TRPM5: variants seen among roughly 807,000 people sequenced by gnomAD.
TRPM5 encodes the protein MLSN1 and TRP-related.
Under a neutral mutation model 124.9 loss-of-function variants are expected in TRPM5, and 121 were observed. That is an observed-to-expected ratio of 0.97 (90% confidence interval 0.84 to 1.13). The LOEUF is 1.13. Among genes scored for constraint, TRPM5 ranks in the 50% most tolerant of loss-of-function variants. The pLI is 0.00. For missense variants in TRPM5, 1,643 were observed against 1,589.1 expected (o/e 1.03, Z -0.58); for synonymous variants, 781 against 700.5 (o/e 1.11, Z -1.81).
the TRPM5 span, among the ~76,000 whole-genome samples, chr11:2,439,032 C>T: frequency 1.3e-5 from 2 of 152,182 alleles, no homozygotes; most frequent in East Asian, 3.8e-4. Context: ...CACACACCTA[C>T]AGTAATCTGA....
exon 4 of TRPM5, chr11:2,420,390 G>A (rs1303282609): frequency 1.2e-6 from 2 of 1,610,542 alleles, no homozygotes; most frequent in South Asian, 1.1e-5. Context: ...TCAGGGTAGT[G>A]GACAGGAAAA....
chr11:2,426,754 T>A (rs1845843630), upstream of TRPM5, among the ~76,000 whole-genome samples: 1 of 152,134 alleles, frequency 6.6e-6, no homozygotes, highest in Admixed American at 6.5e-5. Context: ...TTGTGAGATT[T>A]GGGGGAACGG....
rs1238772053 is a variant in TRPM5 at position 2,405,049 on chromosome 11, G to GGGAA, written c.3392-10_3392-7dup. 2 of 1,610,564 alleles carry GGGAA rather than the reference G, an allele frequency of 1.2e-6. No homozygotes were observed. The highest frequency in any genetic ancestry group is 4.5e-5 in the East Asian group (2 of 44,830). On this transcript the variant is annotated splice_polypyrimidine_tract_variant and splice_region_variant and intron_variant, in intron 23 of 23. Transcript: ENST00000155858. ...CTCGCCACAGTGCTGAGAGCCTGCT[G>GGGAA]GGAAGGAAGGCCCCCCTGAGCGGTG...
intron 12 of TRPM5, 52 bp downstream of exon 17, chr11:2,414,009 G>GGGGGCGCCCCCCCCCCCCCCCCCCCC: frequency 9.8e-7 from 1 of 1,023,734 alleles, no homozygotes; most frequent in Non-Finnish European, 1.4e-6. Flanking sequence ...GGCCCAGCTC[G>GGGGGCGCCCCCCCCCCCCCCCCCCCC]CCCGCCCACC....
At chr11:2,431,367 T>A in the TRPM5 span, among the ~76,000 whole-genome samples, 1 of 152,170 alleles carries the variant, frequency 6.6e-6, no homozygotes, top group Non-Finnish European at 1.5e-5. Flanking sequence ...CATCCACTCC[T>A]CTAGCCTGTG....
At chr11:2,426,537 C>T (rs1360434252), upstream of TRPM5, among the ~76,000 whole-genome samples, 1 of 152,130 alleles carries the variant, frequency 6.6e-6, no homozygotes, top group Non-Finnish European at 1.5e-5. Flanking sequence ...AAAACTGAGG[C>T]AGCCCCCCAG....
upstream of TRPM5, among the ~76,000 whole-genome samples, chr11:2,427,170 G>A (rs570188043): frequency 3.2e-4 from 49 of 152,336 alleles, no homozygotes; most frequent in South Asian, 7.5e-3. Flanking sequence ...TAAAGATAAG[G>A]AAACTGAGGC....
the TRPM5 span, among the ~76,000 whole-genome samples, chr11:2,443,711 A>T: frequency 6.6e-6 from 1 of 152,048 alleles, no homozygotes; most frequent in African/African-American, 2.4e-5. The surrounding 1 kb of genome is among the most constrained non-coding windows in gnomAD (Gnocchi z 5.0). Flanking sequence ...CACATGAGTT[A>T]TGGGTCTCCT....
At chr11:2,441,015 G>A in the TRPM5 span, among the ~76,000 whole-genome samples, 577 of 152,316 alleles carry the variant, frequency 3.8e-3, 3 homozygotes, top group Non-Finnish European at 5.9e-3. This position sits in a 1 kb window ranked among gnomAD's most constrained non-coding sequence, Gnocchi z 7.2. Flanking sequence ...GAGGGATGTC[G>A]GCAAACAGCC....
intron 12 of TRPM5, 52 bp downstream of exon 17, chr11:2,414,009 G>GGGGGCGCCCCCCCCC: frequency 8.8e-6 from 9 of 1,023,722 alleles, no homozygotes; most frequent in African/African-American, 1.6e-5. Flanking sequence ...GGCCCAGCTC[G>GGGGGCGCCCCCCCCC]CCCGCCCACC....
the TRPM5 span, among the ~76,000 whole-genome samples, chr11:2,433,116 T>C: frequency 6.6e-6 from 1 of 152,232 alleles, no homozygotes; most frequent in Non-Finnish European, 1.5e-5. Flanking sequence ...GCATCACCTT[T>C]TGCCTGTCCT....
exon 13 of TRPM5, chr11:2,413,550 T>C: frequency 1.2e-6 from 2 of 1,612,508 alleles, no homozygotes; most frequent in Non-Finnish European, 1.7e-6. Flanking sequence ...TGGGCGTGCC[T>C]GCGGCCATGT....
At chr11:2,443,924 C>G in the TRPM5 span, among the ~76,000 whole-genome samples, 3 of 152,094 alleles carry the variant, frequency 2.0e-5, no homozygotes, top group Non-Finnish European at 4.4e-5. The surrounding 1 kb of genome is among the most constrained non-coding windows in gnomAD (Gnocchi z 5.0). Context: ...CCAACCCACC[C>G]CCACCCAGGG....
At chr11:2,434,365 C>T in the TRPM5 span, among the ~76,000 whole-genome samples, 12 of 128,642 alleles carry the variant, frequency 9.3e-5, no homozygotes, top group Non-Finnish European at 1.6e-4. Context: ...GTAGGTACAC[C>T]GTGTGTGTCT....
chr11:2,405,415 C>G, intron 23 of TRPM5, 112 bp downstream of exon 28: 1 of 1,168,942 alleles, frequency 8.6e-7, no homozygotes. Flanking sequence ...CCTCCTGAGA[C>G]TCCCGGGCCA....
chr11:2,414,014 C>CCCCCCCCCCCCCCCCCCCCCCCCAG, intron 12 of TRPM5, 47 bp downstream of exon 17: 1 of 533,206 alleles, frequency 1.9e-6, no homozygotes, highest in Non-Finnish European at 3.5e-6. Flanking sequence ...AGCTCGCCCG[C>CCCCCCCCCCCCCCCCCCCCCCCCAG]CCACCCCACC....
intron 22 of TRPM5, 144 bp from the exon 28 acceptor site, chr11:2,405,737 G>A (rs1203808519): frequency 4.3e-6 from 4 of 928,784 alleles, no homozygotes; most frequent in Non-Finnish European, 6.6e-6. Flanking sequence ...ACAGGCAGGG[G>A]TGAGTGAGGC....
At chr11:2,423,962 G>A (rs899769739), upstream of TRPM5, among the ~76,000 whole-genome samples, 4 of 152,218 alleles carry the variant, frequency 2.6e-5, no homozygotes, top group African/African-American at 9.6e-5. Flanking sequence ...GGAAGCTGGT[G>A]CTTGAGGACA....
chr11:2,427,897 C>T (rs1845850952), upstream of TRPM5, among the ~76,000 whole-genome samples: 1 of 152,182 alleles, frequency 6.6e-6, no homozygotes, highest in Non-Finnish European at 1.5e-5. Context: ...CTGTCTCCTC[C>T]CTGCTGTGGC....
Sources: allele counts gnomAD v4.1 joint callset (sites outside exome capture counted in the v4.1 genomes callset), GRCh38; gene constraint gnomAD v4.1.1; non-coding constraint Gnocchi (gnomAD v3.1); transcripts MANE v1.5; gene names NCBI Gene and HGNC (gene_info 2026-07-23, HGNC 2026-07-21).